The following STAU1 variants were observed in gnomAD, a reference collection of about 807,000 sequenced individuals.
STAU1 encodes double-stranded RNA-binding protein Staufen homolog 1.
STAU1 carries 13 observed loss-of-function variants against 62.9 expected under a neutral mutation model. The ratio of observed to expected loss-of-function variants is 0.21; its 90% CI spans 0.13 to 0.33. The LOEUF is 0.33. STAU1 is among the 10% of genes least tolerant of loss of function. STAU1 has a pLI of 1.00. For missense variants in STAU1, 571 were observed against 712.1 expected, an observed-to-expected ratio of 0.80 and a Z score of 2.25; for synonymous variants, 269 against 265.1, an observed-to-expected ratio of 1.01 and a Z score of -0.14.
At chr20:49,180,226 T>C (rs1281135403) in intron 1 of STAU1, among the ~76,000 whole-genome samples, 6 of 152,052 alleles carry the variant, frequency 3.9e-5, no homozygotes, top group Non-Finnish European at 7.4e-5. Flanking sequence ...ATAAAGTTAA[T>C]TGGAAGCTTA....
the STAU1 span, among the ~76,000 whole-genome samples, chr20:49,206,086 C>T: frequency 2.6e-4 from 39 of 149,270 alleles, no homozygotes; most frequent in African/African-American, 8.9e-4. Context: ...TGGGTTCAAG[C>T]GATTCTCTGC....
the STAU1 span, among the ~76,000 whole-genome samples, chr20:49,193,886 G>A: frequency 6.7e-6 from 1 of 149,718 alleles, no homozygotes; most frequent in Non-Finnish European, 1.5e-5. Context: ...GGAGAATGGC[G>A]TGAACCCGGG....
the STAU1 span, among the ~76,000 whole-genome samples, chr20:49,205,554 C>T: frequency 2.6e-5 from 4 of 151,614 alleles, no homozygotes; most frequent in Non-Finnish European, 4.4e-5. Flanking sequence ...TTAGTAGAGA[C>T]GGGGTTTCAC....
chr20:49,186,133 G>A (rs1318673372), intron 1 of STAU1, among the ~76,000 whole-genome samples: 1 of 152,110 alleles, frequency 6.6e-6, no homozygotes, highest in Admixed American at 6.5e-5. Context: ...GGATCACGAG[G>A]TTAGGAGTTC....
At chr20:49,184,922 G>A (rs544106104) in intron 1 of STAU1, among the ~76,000 whole-genome samples, 32 of 152,158 alleles carry the variant, frequency 2.1e-4, no homozygotes, top group African/African-American at 5.5e-4. Flanking sequence ...TTCACGACCA[G>A]AAATTTGAAA....
At chr20:49,170,208 C>A (rs1310309449) in intron 2 of STAU1, among the ~76,000 whole-genome samples, 1 of 152,154 alleles carries the variant, frequency 6.6e-6, no homozygotes, top group Non-Finnish European at 1.5e-5. Context: ...AGAAGGCAGA[C>A]CCTTCTAGAA....
chr20:49,144,797 T>C (rs1371805254), intron 5 of STAU1, among the ~76,000 whole-genome samples: 1 of 152,224 alleles, frequency 6.6e-6, no homozygotes, highest in East Asian at 1.9e-4. Flanking sequence ...CACTATTGTA[T>C]ATCCACCCCA....
chr20:49,117,015 G>A lies in STAU1; in HGVS notation c.1632+111C>T. 7.2e-7 allele frequency: 1 copy of A among 1,385,530 alleles called. No homozygotes were observed. Among genetic ancestry groups the A allele is most frequent in the Non-Finnish European group, 1.0e-6 (1 of 1,003,628 alleles). The allele number at this position is 1,385,530 out of a possible 1,614,324, so 85.8% of individuals were successfully genotyped here. The stretch of plus-strand genomic sequence containing the variant: ...TATCAAACGATTCATTGCTCTCAAG[G>A]TCTATGGGACAATCTTTCTCCCATC... On this transcript the variant is annotated intron_variant, in intron 12 of 13. Transcript: ENST00000371856. The surrounding 1 kb of genome is among the most constrained non-coding windows in gnomAD (Gnocchi z 4.6).
chr20:49,134,433 G>GA lies in STAU1; in HGVS notation c.609+1399_609+1400insT, dbSNP rs1568850881. 3.0e-5 allele frequency: 8 copies of GA among 262,734 alleles called. 1 individual carries two copies. In the African/African-American group the frequency reaches 5.8e-4, roughly 19 times the overall value. The allele number at this position is 262,734 out of a possible 1,614,324, so 16.3% of individuals were successfully genotyped here. A position where few individuals can be genotyped will look rare whatever the true frequency, so the allele number is the denominator to read the frequency against. On this transcript the variant is annotated intron_variant, in intron 6 of 13. Transcript: ENST00000371856. ...GCGACAAGAGTGAAACTCATCTCAG[G>GA]GAAAAAAAAAAAAAAAGCTCTGGGT...
chr20:49,121,722 A>G (rs1157418517), intron 8 of STAU1, among the ~76,000 whole-genome samples: 1 of 152,242 alleles, frequency 6.6e-6, no homozygotes, highest in Non-Finnish European at 1.5e-5. Flanking sequence ...TAAAATTTAT[A>G]ACACACATGT....
chr20:49,217,951 G>A, the STAU1 span, among the ~76,000 whole-genome samples: 1 of 151,342 alleles, frequency 6.6e-6, no homozygotes, highest in Non-Finnish European at 1.5e-5. Context: ...TCAGCTCACC[G>A]CAACTTCCGC....
intron 2 of STAU1, among the ~76,000 whole-genome samples, chr20:49,166,578 C>A (rs1284580052): frequency 6.6e-6 from 1 of 152,110 alleles, no homozygotes; most frequent in Non-Finnish European, 1.5e-5. Flanking sequence ...TTAAGAATTG[C>A]AAACTATAGC....
At chr20:49,186,117 G>C in intron 1 of STAU1, among the ~76,000 whole-genome samples, 1 of 152,128 alleles carries the variant, frequency 6.6e-6, no homozygotes, top group East Asian at 1.9e-4. Context: ...GGAGGCCTAG[G>C]AGGGTGGATC....
At chr20:49,124,249 TG>T in intron 7 of STAU1, 125 bp downstream of exon 7, 1 of 936,692 alleles carries the variant, frequency 1.1e-6, no homozygotes, top group Non-Finnish European at 1.6e-6. Flanking sequence ...CTAAGGGGTC[TG>T]GCAGGCCTGG....
intron 3 of STAU1, among the ~76,000 whole-genome samples, chr20:49,164,095 T>C (rs2093490671): frequency 6.6e-6 from 1 of 151,940 alleles, no homozygotes; most frequent in South Asian, 2.1e-4. Context: ...CCGAGCGTAG[T>C]GGCAGGCACC....
At chr20:49,126,588 C>CAAAAAAAAAAAAAAAAAAAAAAAA in intron 6 of STAU1, among the ~76,000 whole-genome samples, 2 of 56,374 alleles carry the variant, frequency 3.5e-5, no homozygotes, top group African/African-American at 6.3e-5. Flanking sequence ...AAAAAAAAAA[C>CAAAAAAAAAAAAAAAAAAAAAAAA]AAAAAAAAAA....
At chr20:49,209,732 A>C in the STAU1 span, among the ~76,000 whole-genome samples, 1 of 150,308 alleles carries the variant, frequency 6.7e-6, no homozygotes, top group Non-Finnish European at 1.5e-5. Context: ...AACAAGAGCA[A>C]AACTCTGTCC....
upstream of STAU1, among the ~76,000 whole-genome samples, chr20:49,189,619 CAAAAAAAAAAA>C (rs71186430): frequency 1.8e-5 from 1 of 55,340 alleles, no homozygotes; most frequent in East Asian, 6.1e-4. Flanking sequence ...GACTCTGTCT[CAAAAAAAAAAA>C]AAAAAAAAAA....
intron 1 of STAU1, 133 bp downstream of exon 1, chr20:49,187,983 T>G (rs1423210162): frequency 6.6e-6 from 1 of 151,394 alleles, no homozygotes; most frequent in Non-Finnish European, 1.5e-5. Flanking sequence ...CCCCGCGGGC[T>G]AGAGAGAGGC....
Sources: allele counts gnomAD v4.1 joint callset (sites outside exome capture counted in the v4.1 genomes callset), GRCh38; gene constraint gnomAD v4.1.1; non-coding constraint Gnocchi (gnomAD v3.1); transcripts MANE v1.5; gene names NCBI Gene and HGNC (gene_info 2026-07-23, HGNC 2026-07-21).